SGIP1: variants seen among roughly 807,000 people sequenced by gnomAD.
The protein encoded by SGIP1 is SH3-containing GRB2-like protein 3-interacting protein 1.
A neutral mutation model predicts 107.5 loss-of-function variants in SGIP1; 38 were observed. The observed-to-expected ratio is 0.35, with a 90% CI of 0.27 to 0.46. The LOEUF (loss-of-function observed/expected upper bound fraction) is 0.46, where lower values mean the gene tolerates loss of function less well. Among genes scored for constraint, SGIP1 ranks in the 20% least tolerant of loss-of-function variants. The pLI is 1.00. For synonymous variants in SGIP1, 365 were observed against 366.1 expected (o/e 1.00, Z 0.03); for missense variants, 929 against 1,019.5 (o/e 0.91, Z 1.21).
intron 8 of SGIP1, among the ~76,000 whole-genome samples, chr1:66,661,887 C>A (rs1053518382): frequency 6.6e-5 from 10 of 152,138 alleles, no homozygotes; most frequent in African/African-American, 2.2e-4. Flanking sequence ...TCCCTCACCT[C>A]ATTTTTCTTT....
chr1:66,650,791 A>G (rs1436075734), intron 7 of SGIP1, among the ~76,000 whole-genome samples: 1 of 152,156 alleles, frequency 6.6e-6, no homozygotes, highest in African/African-American at 2.4e-5. Flanking sequence ...ATGTGCTCCC[A>G]TGGATTCCTT....
chr1:66,563,356 G>A (rs1307061919), intron 1 of SGIP1, among the ~76,000 whole-genome samples: 1 of 151,998 alleles, frequency 6.6e-6, no homozygotes, highest in Non-Finnish European at 1.5e-5. Context: ...CCATGTTGCA[G>A]CAAGAAGAAA....
chr1:66,694,633 C>A, intron 17 of SGIP1: 3 of 615,116 alleles, frequency 4.9e-6, no homozygotes, highest in South Asian at 3.3e-5. Context: ...CAGATGCACC[C>A]TGTATATTTA....
chr1:66,708,763 G>A (rs113153556), intron 18 of SGIP1, among the ~76,000 whole-genome samples: 1 of 132,626 alleles, frequency 7.5e-6, no homozygotes, highest in African/African-American at 3.0e-5. Context: ...CCTGGACTGA[G>A]CAGAATTTGA....
At chr1:66,592,082 C>T (rs1440223013) in intron 1 of SGIP1, among the ~76,000 whole-genome samples, 1 of 152,144 alleles carries the variant, frequency 6.6e-6, no homozygotes, top group Non-Finnish European at 1.5e-5. Context: ...CCTCTTATCT[C>T]AACTGCAAAG....
intron 15 of SGIP1, among the ~76,000 whole-genome samples, chr1:66,686,250 T>TA (rs1458003102): frequency 1.3e-5 from 2 of 151,854 alleles, no homozygotes; most frequent in Non-Finnish European, 2.9e-5. Context: ...AACACACACA[T>TA]AAAAAAAGAG....
At chr1:66,593,850 A>T (rs1190357840) in intron 1 of SGIP1, among the ~76,000 whole-genome samples, 1 of 152,154 alleles carries the variant, frequency 6.6e-6, no homozygotes, top group Non-Finnish European at 1.5e-5. Flanking sequence ...TTTTCTTTTT[A>T]AAAAAATCTC....
rs1437748168 is a variant in SGIP1 at position 66,635,991 on chromosome 1, G to A, written c.147G>A (p.Ala49=). 9.9e-6 allele frequency: 16 copies of A among 1,613,602 alleles called. No homozygotes were observed. The highest frequency in any genetic ancestry group is 4.5e-5 in the East Asian group (2 of 44,872). ...CCTACAATAGCAAAGCAGAGTGTGC[G>A]CGTGAAGGAGGAAAAAAAGTTTCGG... ...EPPYNSKAEC[A]REGGKKVSKK... The change falls in exon 4 of 25, where the codon GCG becomes GCA. Residue 49 remains alanine (A), a synonymous_variant. Transcript: ENST00000371037.
intron 1 of SGIP1, among the ~76,000 whole-genome samples, chr1:66,604,062 G>A (rs115261885): frequency 0.038 from 5,830 of 152,154 alleles, 177 homozygotes; most frequent in Non-Finnish European, 0.057. Context: ...ATGAATCCCC[G>A]TTATATGTGT....
At chr1:66,676,829 A>T in intron 12 of SGIP1, 175 bp from the exon 13 acceptor site, 1 of 600,252 alleles carries the variant, frequency 1.7e-6, no homozygotes. Flanking sequence ...CCACACTCCT[A>T]TTTCTATTCT....
chr1:66,546,084 T>A (rs2056328058), intron 1 of SGIP1, among the ~76,000 whole-genome samples: 1 of 152,194 alleles, frequency 6.6e-6, no homozygotes, highest in South Asian at 2.1e-4. Flanking sequence ...TTAAATGAGT[T>A]AAAATATGCA....
At chr1:66,705,413 G>A (rs926374767) in intron 18 of SGIP1, among the ~76,000 whole-genome samples, 1 of 152,208 alleles carries the variant, frequency 6.6e-6, no homozygotes, top group African/African-American at 2.4e-5. Context: ...CTGGAGAAGT[G>A]TCCCAAGGGT....
intron 14 of SGIP1, among the ~76,000 whole-genome samples, chr1:66,680,681 T>C (rs1051155821): frequency 5.3e-5 from 8 of 152,208 alleles, no homozygotes; most frequent in African/African-American, 1.9e-4. Flanking sequence ...TTGTGTTAGA[T>C]ATAAATATAC....
At chr1:66,590,495 T>C (rs2063449974) in intron 1 of SGIP1, 1 of 152,162 alleles carries the variant, frequency 6.6e-6, no homozygotes, top group South Asian at 2.1e-4. Context: ...TGGAGTGCAG[T>C]GGTGTGATCC....
intron 7 of SGIP1, among the ~76,000 whole-genome samples, chr1:66,655,216 C>T (rs1261177184): frequency 2.0e-5 from 3 of 152,080 alleles, no homozygotes; most frequent in Middle Eastern, 3.4e-3. Context: ...CAAGATTCCC[C>T]CATCCCTAGA....
chr1:66,616,960 G>T (rs1356431747), intron 1 of SGIP1, among the ~76,000 whole-genome samples: 1 of 152,094 alleles, frequency 6.6e-6, no homozygotes, highest in Non-Finnish European at 1.5e-5. Flanking sequence ...TGCTAATGGA[G>T]TGTGACCTTA....
upstream of SGIP1, among the ~76,000 whole-genome samples, chr1:66,533,909 G>A (rs1046925348): frequency 6.6e-6 from 1 of 151,816 alleles, no homozygotes; most frequent in Non-Finnish European, 1.5e-5. Flanking sequence ...AGGAGACGAC[G>A]AGGAGGGGCG....
chr1:66,627,636 C>T (rs1486043382), intron 2 of SGIP1, among the ~76,000 whole-genome samples: 1 of 152,048 alleles, frequency 6.6e-6, no homozygotes, highest in East Asian at 1.9e-4. Context: ...TCTTTTGTAA[C>T]TATTTATTTC....
At chr1:66,544,603 C>T (rs981580658) in intron 1 of SGIP1, among the ~76,000 whole-genome samples, 4 of 152,120 alleles carry the variant, frequency 2.6e-5, no homozygotes, top group Non-Finnish European at 4.4e-5. Flanking sequence ...GCGGGAGAAT[C>T]ACTTGAACCT....
Sources: allele counts gnomAD v4.1 joint callset (sites outside exome capture counted in the v4.1 genomes callset), GRCh38; gene constraint gnomAD v4.1.1; transcripts MANE v1.5; gene names NCBI Gene and HGNC (gene_info 2026-07-23, HGNC 2026-07-21).